The following XKR9 variants were observed in gnomAD, a reference collection of about 807,000 sequenced individuals.
XKR9 encodes the protein XK related 9.
XKR9 carries 32 observed loss-of-function variants against 32.0 expected under a neutral mutation model. The ratio of observed to expected loss-of-function variants is 1.00; its 90% CI spans 0.76 to 1.34. The LOEUF (loss-of-function observed/expected upper bound fraction) is 1.34. Among genes scored for constraint, XKR9 ranks in the 40% most tolerant of loss-of-function variants. The pLI is 0.00. For synonymous variants in XKR9, 168 were observed against 143.4 expected, an observed-to-expected ratio of 1.17 and a Z score of -1.22; for missense variants, 546 against 429.7, an observed-to-expected ratio of 1.27 and a Z score of -2.39.
At chr8:70,803,079 A>G in the XKR9 span, among the ~76,000 whole-genome samples, 2 of 152,106 alleles carry the variant, frequency 1.3e-5, no homozygotes, top group East Asian at 3.9e-4. Context: ...CCTCTCTTTT[A>G]GGGTTGACAG....
rs563339135 is a variant in XKR9 at position 70,681,787 on chromosome 8, TTAAGAATCATGTTGTTATAGGTAGAGA to T, written c.272+458_272+484del. 9.8e-3 allele frequency among the ~76,000 whole-genome samples: 1,499 copies of T among 152,200 alleles called. 22 individuals carry two copies. The highest frequency in any genetic ancestry group is 0.034 in the African/African-American group (1,417 of 41,556). On this transcript the variant is annotated intron_variant, in intron 3 of 4. Transcript: ENST00000408926. ...ACAGAGTCATAGAACTAAAGCAACCTTAAGAATCATGTTGTTATAGGTAGAGAAACGAGACTCTAAATAGGCCCTCAG... is the reference window on the plus strand; with the variant it reads ...ACAGAGTCATAGAACTAAAGCAACCTAACGAGACTCTAAATAGGCCCTCAG...
At chr8:71,036,003 C>G in the XKR9 span, among the ~76,000 whole-genome samples, 1 of 152,138 alleles carries the variant, frequency 6.6e-6, no homozygotes, top group Admixed American at 6.6e-5. Flanking sequence ...AGATCATACT[C>G]TTTTGTCTTT....
chr8:70,814,454 T>TA, the XKR9 span, among the ~76,000 whole-genome samples: 1 of 147,802 alleles, frequency 6.8e-6, no homozygotes, highest in Non-Finnish European at 1.5e-5. Context: ...AATATTAAAA[T>TA]AAAAAAATAA....
chr8:70,839,121 A>G, the XKR9 span, among the ~76,000 whole-genome samples: 1 of 152,238 alleles, frequency 6.6e-6, no homozygotes, highest in East Asian at 1.9e-4. Flanking sequence ...GAAGAATAAA[A>G]TGTGGGTGAA....
intron 4 of XKR9, among the ~76,000 whole-genome samples, chr8:70,725,939 A>G (rs2132227580): frequency 6.6e-6 from 1 of 152,080 alleles, no homozygotes; most frequent in East Asian, 1.9e-4. Context: ...AACAACAACA[A>G]AAAGTTCATG....
At chr8:70,792,277 A>G (rs1807773993), downstream of XKR9, among the ~76,000 whole-genome samples, 1 of 152,134 alleles carries the variant, frequency 6.6e-6, no homozygotes, top group Non-Finnish European at 1.5e-5. Context: ...AAGGGCTCAG[A>G]GTCTAGTGGT....
At chr8:70,739,127 A>G (rs1806917540), downstream of XKR9, among the ~76,000 whole-genome samples, 1 of 151,970 alleles carries the variant, frequency 6.6e-6, no homozygotes, top group African/African-American at 2.4e-5. Context: ...GTCACTCAGG[A>G]CTTGCTTTAT....
At chr8:71,046,507 C>A in the XKR9 span, among the ~76,000 whole-genome samples, 62 of 152,306 alleles carry the variant, frequency 4.1e-4, no homozygotes, top group African/African-American at 1.5e-3. Flanking sequence ...AATCTGTAAA[C>A]CCTGTAATGA....
chr8:70,972,815 A>C, the XKR9 span, among the ~76,000 whole-genome samples: 2 of 152,184 alleles, frequency 1.3e-5, no homozygotes, highest in Non-Finnish European at 2.9e-5. Context: ...TATGAAACCC[A>C]CTTGATCATG....
At chr8:70,951,871 G>GA in the XKR9 span, among the ~76,000 whole-genome samples, 10 of 91,538 alleles carry the variant, frequency 1.1e-4, no homozygotes, top group African/African-American at 3.3e-4. Flanking sequence ...CATCATTGGG[G>GA]GGGGGGTGGT....
the XKR9 span, among the ~76,000 whole-genome samples, chr8:70,853,720 T>C: frequency 1.3e-5 from 2 of 152,080 alleles, no homozygotes; most frequent in Non-Finnish European, 2.9e-5. Context: ...ATGTTCCCCT[T>C]CCTGTGTCCA....
the XKR9 span, among the ~76,000 whole-genome samples, chr8:70,795,805 C>A: frequency 6.6e-6 from 1 of 151,742 alleles, no homozygotes; most frequent in Non-Finnish European, 1.5e-5. Flanking sequence ...TCTGTTCATG[C>A]CCTTTGCCCA....
chr8:70,982,262 C>T, the XKR9 span, among the ~76,000 whole-genome samples: 1 of 152,160 alleles, frequency 6.6e-6, no homozygotes, highest in Non-Finnish European at 1.5e-5. Flanking sequence ...GACATTATGA[C>T]CTTTGTCTTC....
chr8:70,983,305 G>T, the XKR9 span, among the ~76,000 whole-genome samples: 1 of 152,022 alleles, frequency 6.6e-6, no homozygotes, highest in Non-Finnish European at 1.5e-5. Context: ...GACCTTCTGG[G>T]ACTCCTCTGC....
the XKR9 span, among the ~76,000 whole-genome samples, chr8:70,812,664 C>A: frequency 6.6e-6 from 1 of 152,094 alleles, no homozygotes; most frequent in East Asian, 1.9e-4. Context: ...AAACAGAGAG[C>A]CAAATCATGA....
At chr8:70,941,413 A>G in the XKR9 span, among the ~76,000 whole-genome samples, 2 of 152,254 alleles carry the variant, frequency 1.3e-5, no homozygotes, top group South Asian at 4.1e-4. Context: ...AAACCTAAAG[A>G]TAAAGCCAGG....
chr8:70,730,195 A>C (rs918425364), intron 4 of XKR9, among the ~76,000 whole-genome samples: 5 of 152,096 alleles, frequency 3.3e-5, no homozygotes, highest in Non-Finnish European at 5.9e-5. Context: ...GGGCAAAAAA[A>C]CCCCTTTCAT....
At chr8:70,927,882 T>G in the XKR9 span, among the ~76,000 whole-genome samples, 1 of 152,198 alleles carries the variant, frequency 6.6e-6, no homozygotes, top group Non-Finnish European at 1.5e-5. Flanking sequence ...GAGTAGGTGC[T>G]AGATCTGGTA....
At chr8:70,956,698 CAAGT>C in the XKR9 span, among the ~76,000 whole-genome samples, 2 of 152,088 alleles carry the variant, frequency 1.3e-5, no homozygotes, top group African/African-American at 4.8e-5. Context: ...TGGAGGTGGC[CAAGT>C]AGGATGGGGG....
Sources: gnomAD v4.1 joint callset for allele counts (sites outside exome capture counted in the v4.1 genomes callset) on GRCh38, gnomAD v4.1.1 for gene constraint, MANE v1.5 for transcripts, NCBI Gene and HGNC (gene_info 2026-07-23, HGNC 2026-07-21) for gene names.